TMOD2: variants seen among roughly 807,000 people sequenced by gnomAD.
TMOD2 encodes tropomodulin-2.
TMOD2 carries 22 observed loss-of-function variants against 39.9 expected under a neutral mutation model. The ratio of observed to expected loss-of-function variants is 0.55; its 90% CI spans 0.39 to 0.79. TMOD2 has a LOEUF of 0.79. TMOD2 is among the 30% of genes least tolerant of loss of function. TMOD2 has a pLI of 0.00. For missense variants in TMOD2, 386 were observed against 413.3 expected, an observed-to-expected ratio of 0.93 and a Z score of 0.57; for synonymous variants, 123 against 146.1, an observed-to-expected ratio of 0.84 and a Z score of 1.14.
At chr15:51,779,796 T>G (rs2055917200) in intron 5 of TMOD2, among the ~76,000 whole-genome samples, 1 of 152,064 alleles carries the variant, frequency 6.6e-6, no homozygotes, top group South Asian at 2.1e-4. Flanking sequence ...TTCTCCCACC[T>G]CAGTCCCCTG....
intron 8 of TMOD2, among the ~76,000 whole-genome samples, chr15:51,799,178 C>T (rs1375070657): frequency 6.6e-6 from 1 of 152,144 alleles, no homozygotes; most frequent in African/African-American, 2.4e-5. Flanking sequence ...GGGTTCCAGA[C>T]ACTATATCTT....
chr15:51,812,995 C>T lies in TMOD2; in HGVS notation c.*4541C>T, dbSNP rs1312282983. ...GCTTGGAAGCATCCAGCTGAGCCCA[C>T]TGGATGAAAATCAGACGATAGGGCC... On this transcript the variant is annotated 3_prime_UTR_variant, in exon 10 of 10. Coordinates refer to ENST00000249700, the MANE Select transcript of TMOD2 (RefSeq NM_014548.4). The T allele has an allele frequency of 6.6e-6, 1 of 152,154 alleles. No homozygotes were observed. The highest frequency in any genetic ancestry group is 1.5e-5 in the Non-Finnish European group (1 of 68,018). The allele number at this position is 152,154 out of a possible 1,614,324, so 9.4% of individuals were successfully genotyped here.
chr15:51,803,839 T>C (rs1053079715), intron 8 of TMOD2, among the ~76,000 whole-genome samples: 1 of 152,154 alleles, frequency 6.6e-6, no homozygotes, highest in African/African-American at 2.4e-5. Flanking sequence ...AAAAGAAATA[T>C]AAACCTGTAA....
intron 7 of TMOD2, among the ~76,000 whole-genome samples, chr15:51,796,344 A>T (rs1407527044): frequency 1.3e-5 from 2 of 152,160 alleles, no homozygotes; most frequent in Admixed American, 6.5e-5. Context: ...CCTGACAAAT[A>T]GTCTTTTTTG....
At chr15:51,768,140 G>C (rs1256931984) in intron 2 of TMOD2, 122 bp from the exon 3 acceptor site, 1 of 1,148,900 alleles carries the variant, frequency 8.7e-7, no homozygotes, top group Non-Finnish European at 1.3e-6. Context: ...CAGCTCACAC[G>C]CACATTCTGC....
At chr15:51,759,257 G>A (rs1386765409) in intron 1 of TMOD2, among the ~76,000 whole-genome samples, 2 of 152,148 alleles carry the variant, frequency 1.3e-5, no homozygotes, top group East Asian at 1.9e-4. Context: ...TTCTGGAGGA[G>A]GAAAGATGAT....
At chr15:51,795,038 C>G (rs897124028) in intron 7 of TMOD2, among the ~76,000 whole-genome samples, 1 of 152,120 alleles carries the variant, frequency 6.6e-6, no homozygotes, top group Non-Finnish European at 1.5e-5. Context: ...ATTTTTGATC[C>G]TTTGCAGGTA....
chr15:51,758,838 A>G (rs1204926646), intron 1 of TMOD2, among the ~76,000 whole-genome samples: 1 of 152,142 alleles, frequency 6.6e-6, no homozygotes, highest in South Asian at 2.1e-4. Context: ...GTGGGGTGAG[A>G]GTGTTCTGAG....
At chr15:51,780,355 T>C (rs372715884) in intron 5 of TMOD2, among the ~76,000 whole-genome samples, 2 of 152,258 alleles carry the variant, frequency 1.3e-5, no homozygotes, top group African/African-American at 4.8e-5. Flanking sequence ...TGTTTGCTAA[T>C]GAAATGGTAT....
chr15:51,761,949 C>T (rs1227472180), intron 1 of TMOD2, among the ~76,000 whole-genome samples: 2 of 150,974 alleles, frequency 1.3e-5, no homozygotes, highest in African/African-American at 2.4e-5. Context: ...AGATCGAGAC[C>T]ATCCTGGCTA....
At chr15:51,798,115 A>G (rs2056063945) in intron 7 of TMOD2, 82 bp from the exon 8 acceptor site, 13 of 1,240,824 alleles carry the variant, frequency 1.0e-5, no homozygotes, top group Admixed American at 8.8e-5. Flanking sequence ...ATCTGTATTT[A>G]ATTTGGGAGT....
At chr15:51,790,664 G>A (rs910530563) in intron 7 of TMOD2, among the ~76,000 whole-genome samples, 1 of 152,134 alleles carries the variant, frequency 6.6e-6, no homozygotes, top group African/African-American at 2.4e-5. Context: ...CTATGATCAA[G>A]TCGCCTTCAT....
chr15:51,764,293 G>A (rs563609768), intron 1 of TMOD2, among the ~76,000 whole-genome samples: 27 of 152,220 alleles, frequency 1.8e-4, no homozygotes, highest in African/African-American at 6.3e-4. Context: ...TTCCAGCCTG[G>A]GCAACAGAGG....
chr15:51,807,505 G>A (rs1022368032), intron 9 of TMOD2, among the ~76,000 whole-genome samples: 1 of 152,182 alleles, frequency 6.6e-6, no homozygotes, highest in Non-Finnish European at 1.5e-5. Context: ...GTGAGGCCAA[G>A]GGACAGACAG....
intron 7 of TMOD2, among the ~76,000 whole-genome samples, chr15:51,797,269 C>T (rs963991570): frequency 6.6e-6 from 1 of 152,176 alleles, no homozygotes; most frequent in African/African-American, 2.4e-5. Context: ...GTCGCAGCAC[C>T]TTCACCAGAG....
chr15:51,789,927 C>A (rs951047153), intron 7 of TMOD2, among the ~76,000 whole-genome samples: 1 of 152,110 alleles, frequency 6.6e-6, no homozygotes, highest in Non-Finnish European at 1.5e-5. Flanking sequence ...AAAATCGACA[C>A]CCTAACATCA....
rs1244876006 is a variant in TMOD2 at position 51,812,471 on chromosome 15, G to C, written c.*4017G>C. On this transcript the variant is annotated 3_prime_UTR_variant, in exon 10 of 10. Coordinates refer to ENST00000249700, the MANE Select transcript of TMOD2 (RefSeq NM_014548.4). ...AGCCCTTTGGAATTTACAAACACAT[G>C]TGCAGCTATTTCCTTCTTCACAGAT... 6.6e-6 allele frequency: 1 copy of C among 152,216 alleles called. No individual in the cohort carries two copies. The highest frequency in any genetic ancestry group is 1.5e-5 in the Non-Finnish European group (1 of 68,042). The allele number at this position is 152,216 out of a possible 1,614,324, so 9.4% of individuals were successfully genotyped here. A position where few individuals can be genotyped will look rare whatever the true frequency, so the allele number is the denominator to read the frequency against.
intron 5 of TMOD2, among the ~76,000 whole-genome samples, chr15:51,778,953 G>A (rs981383827): frequency 2.6e-5 from 4 of 151,376 alleles, no homozygotes; most frequent in South Asian, 2.1e-4. Flanking sequence ...CACACAATGA[G>A]CAATATTCCT....
intron 1 of TMOD2, among the ~76,000 whole-genome samples, chr15:51,759,812 G>T (rs990754024): frequency 2.6e-5 from 4 of 152,196 alleles, no homozygotes; most frequent in Non-Finnish European, 4.4e-5. Context: ...AAGATGGGGG[G>T]AGGATTTAGG....
Sources: gnomAD v4.1 joint callset for allele counts (sites outside exome capture counted in the v4.1 genomes callset) on GRCh38, gnomAD v4.1.1 for gene constraint, MANE v1.5 for transcripts, NCBI Gene and HGNC (gene_info 2026-07-23, HGNC 2026-07-21) for gene names.